The following FSTL4 variants were observed in gnomAD, a reference collection of about 807,000 sequenced individuals.
FSTL4 encodes the protein follistatin-related protein 4.
A neutral mutation model predicts 78.2 loss-of-function variants in FSTL4; 28 were observed. The observed-to-expected ratio is 0.36, with a 90% CI of 0.27 to 0.49. FSTL4 has a LOEUF of 0.49. Ranked by LOEUF, FSTL4 falls within the 20% of genes least tolerant of loss-of-function variation. The pLI, the probability that FSTL4 is intolerant of heterozygous loss-of-function variation, is 0.98. For missense variants in FSTL4, 922 were observed against 1,084.9 expected, an observed-to-expected ratio of 0.85 and a Z score of 2.11; for synonymous variants, 422 against 440.5, an observed-to-expected ratio of 0.96 and a Z score of 0.53.
chr5:133,571,403 ACGAAATGGGATCGAATGGC>A, intron 2 of FSTL4, among the ~76,000 whole-genome samples: 1 of 152,352 alleles, frequency 6.6e-6, no homozygotes, highest in South Asian at 2.1e-4. Flanking sequence ...CAGGCATAGC[ACGAAATGGGATCGAATGGC>A]TAAAATCCAA....
intron 3 of FSTL4, among the ~76,000 whole-genome samples, chr5:133,410,315 T>TTATTCCCTG (rs1404242761): frequency 6.6e-6 from 1 of 152,218 alleles, no homozygotes; most frequent in Non-Finnish European, 1.5e-5. Flanking sequence ...TCATTTTTCC[T>TTATTCCCTG]TCAGGTACTT....
chr5:133,336,783 G>C (rs971979569), intron 4 of FSTL4, among the ~76,000 whole-genome samples: 2 of 152,134 alleles, frequency 1.3e-5, no homozygotes, highest in Non-Finnish European at 2.9e-5. Context: ...CCTCCCTGGG[G>C]CCTTTTCTGA....
At chr5:133,749,944 C>T in the FSTL4 span, among the ~76,000 whole-genome samples, 2 of 152,180 alleles carry the variant, frequency 1.3e-5, no homozygotes, top group Non-Finnish European at 2.9e-5. Flanking sequence ...TTTTAATCCA[C>T]TTCCTTCTTA....
At chr5:133,255,469 A>G (rs1274390205) in intron 6 of FSTL4, among the ~76,000 whole-genome samples, 1 of 152,244 alleles carries the variant, frequency 6.6e-6, no homozygotes, top group Non-Finnish European at 1.5e-5. Flanking sequence ...CACTGCAGTG[A>G]TGGCCCAAGT....
At chr5:133,307,593 C>T (rs757945645) in intron 6 of FSTL4, among the ~76,000 whole-genome samples, 9 of 152,152 alleles carry the variant, frequency 5.9e-5, no homozygotes, top group Non-Finnish European at 7.4e-5. Flanking sequence ...CTAACTACGG[C>T]GATATTGACA....
At chr5:133,410,649 C>T (rs1366883217) in intron 3 of FSTL4, among the ~76,000 whole-genome samples, 3 of 152,222 alleles carry the variant, frequency 2.0e-5, no homozygotes, top group African/African-American at 7.2e-5. Context: ...CGGTCCGCAC[C>T]TTGCCTTGGT....
At chr5:133,342,800 C>G (rs1015530994) in intron 4 of FSTL4, among the ~76,000 whole-genome samples, 1 of 152,174 alleles carries the variant, frequency 6.6e-6, no homozygotes, top group Non-Finnish European at 1.5e-5. Flanking sequence ...AAGGCCACAT[C>G]GATTTGTGCA....
At chr5:133,362,475 A>C (rs1755092580) in intron 4 of FSTL4, among the ~76,000 whole-genome samples, 2 of 152,204 alleles carry the variant, frequency 1.3e-5, no homozygotes, top group African/African-American at 4.8e-5. Flanking sequence ...CTCCCAAAAG[A>C]GGGCAGGAGG....
chr5:133,562,564 C>A (rs1186596876), intron 3 of FSTL4, among the ~76,000 whole-genome samples: 5 of 152,058 alleles, frequency 3.3e-5, no homozygotes, highest in Admixed American at 3.3e-4. Context: ...TTTTCCTTTT[C>A]CCTGAAGACA....
rs980640388 is a variant in FSTL4, at chr5:133,259,181, G to T, written c.728-9605C>A. 1.8e-4 allele frequency among the ~76,000 whole-genome samples: 27 copies of T among 149,964 alleles called. 1 individual carries two copies. The highest frequency in any genetic ancestry group is 3.7e-4 in the Non-Finnish European group (25 of 67,652). ...GGGAGGGCTATTAAGGTGTGTGTGT[G>T]GGGGGTGGGTGCTGGTGTGGCGGAA... is the stretch of plus-strand genomic sequence containing the variant. On this transcript the variant is annotated intron_variant, in intron 6 of 15. Coordinates refer to ENST00000265342, the MANE Select transcript of FSTL4 (RefSeq NM_015082.2).
chr5:133,806,015 A>C, the FSTL4 span, among the ~76,000 whole-genome samples: 3 of 152,156 alleles, frequency 2.0e-5, no homozygotes, highest in Non-Finnish European at 4.4e-5. Flanking sequence ...CGCCTAATGA[A>C]ATTTGCTGGA....
intron 3 of FSTL4, among the ~76,000 whole-genome samples, chr5:133,450,442 T>C (rs1262210049): frequency 6.6e-6 from 1 of 152,250 alleles, no homozygotes; most frequent in Non-Finnish European, 1.5e-5. Flanking sequence ...TTTAGCCATC[T>C]GCACACACAC....
rs115518656 is a variant in FSTL4 at position 133,297,847 on chromosome 5, C to T, written c.727+14807G>A. 2.9e-3 allele frequency among the ~76,000 whole-genome samples: 442 copies of T among 152,296 alleles called. 3 individuals are homozygous for T. The highest frequency in any genetic ancestry group is 5.4e-3 in the Non-Finnish European group (369 of 68,026). On this transcript the variant is annotated intron_variant, in intron 6 of 15. Transcript: ENST00000265342. ...GCCAGGGTGTTTCTGATGGGCTGGCCCTTGTGGGACAGGATGCCAGGTGGG... is the reference window on the plus strand; with the variant it reads ...GCCAGGGTGTTTCTGATGGGCTGGCTCTTGTGGGACAGGATGCCAGGTGGG...
At chr5:133,733,945 G>A in the FSTL4 span, among the ~76,000 whole-genome samples, 1 of 152,360 alleles carries the variant, frequency 6.6e-6, no homozygotes, top group East Asian at 1.9e-4. Context: ...GCCTCCCCAT[G>A]TGGACGTTTC....
At chr5:133,841,040 G>A in the FSTL4 span, among the ~76,000 whole-genome samples, 1 of 152,212 alleles carries the variant, frequency 6.6e-6, no homozygotes, top group African/African-American at 2.4e-5. Flanking sequence ...CTTGCCACTG[G>A]CTAAGGACAT....
chr5:133,470,807 T>C (rs462364), intron 3 of FSTL4, among the ~76,000 whole-genome samples: 76,407 of 138,962 alleles, frequency 0.55, 21,029 homozygotes, highest in Non-Finnish European at 0.61. Context: ...AAAATAAAAA[T>C]AAATAAATAA....
chr5:133,286,712 C>T (rs773245930), intron 6 of FSTL4, among the ~76,000 whole-genome samples: 1 of 152,164 alleles, frequency 6.6e-6, no homozygotes, highest in Non-Finnish European at 1.5e-5. Context: ...GAGGTGGCAT[C>T]TGAGCTGGCC....
chr5:133,464,252 C>T (rs1390358065), intron 3 of FSTL4, among the ~76,000 whole-genome samples: 1 of 152,180 alleles, frequency 6.6e-6, no homozygotes, highest in African/African-American at 2.4e-5. Flanking sequence ...AGGCCAGGTG[C>T]GGCAGTGGAG....
chr5:133,285,908 T>C (rs1426691138), intron 6 of FSTL4, among the ~76,000 whole-genome samples: 1 of 152,226 alleles, frequency 6.6e-6, no homozygotes, highest in Non-Finnish European at 1.5e-5. Context: ...CTCTCAGGGT[T>C]GACCACTTGC....
Sources: allele counts gnomAD v4.1 joint callset (sites outside exome capture counted in the v4.1 genomes callset), GRCh38; gene constraint gnomAD v4.1.1; transcripts MANE v1.5; gene names NCBI Gene and HGNC (gene_info 2026-07-23, HGNC 2026-07-21).